The following RNF113A variants were observed in gnomAD, a reference collection of about 807,000 sequenced individuals.
The protein encoded by RNF113A is E3 ubiquitin-protein ligase RNF113A.
For missense variants in RNF113A, 180 were observed against 285.4 expected, an observed-to-expected ratio of 0.63 and a Z score of 2.66; for synonymous variants, 80 against 110.5, an observed-to-expected ratio of 0.72 and a Z score of 1.73.
Position 119,871,727 on chromosome X carries a change from G to A in RNF113A, c.-114C>T, listed in dbSNP as rs768589089. On this transcript the variant is annotated 5_prime_UTR_variant, in exon 1 of 1. Coordinates refer to ENST00000371442, the MANE Select transcript of RNF113A (RefSeq NM_006978.3). ...GTCGAAGCAAAAGACACTGACGGAA[G>A]AGGACTGCGAGAGCCCGAGCGCCCG... The A allele has an allele frequency of 4.9e-5, 45 of 917,704 alleles. No homozygotes were observed. Among genetic ancestry groups the A allele is most frequent in the Non-Finnish European group, 6.3e-5 (41 of 652,837 alleles). The allele number at this position is 917,704 out of a possible 1,213,427, so 75.6% of individuals were successfully genotyped here.
chrX:119,870,481 C>T lies in RNF113A; in HGVS notation c.*101G>A, dbSNP rs1448982777. On this transcript the variant is annotated 3_prime_UTR_variant, in exon 1 of 1. Transcript: ENST00000371442. The stretch of plus-strand genomic sequence containing the variant: ...CTTTTAATCCAGGACCCTACTTCAC[C>T]ACCCGCCTGCTCTGTCACTTTCTCT... 1 of 846,322 alleles carries T rather than the reference C, an allele frequency of 1.2e-6. No individual in the cohort carries two copies. The highest frequency in any genetic ancestry group is 2.0e-5 in the African/African-American group (1 of 48,857). The allele number at this position is 846,322 out of a possible 1,213,427, so 69.7% of individuals were successfully genotyped here.
rs1273699388 is a variant in RNF113A, at chrX:119,871,327, A to C, written c.287T>G (p.Leu96Arg). ...EEEEENEPES[L>R]GVVYKSTRSA... Reference sequence around the variant, plus strand: ...ACGGGTGGATTTATAAACCACGCCGAGACTCTCGGGCTCATTTTCCTCTTC... The same window carrying C: ...ACGGGTGGATTTATAAACCACGCCGCGACTCTCGGGCTCATTTTCCTCTTC... Residue 96 changes from leucine to arginine, a missense_variant, in exon 1 of 1, where the codon CTC (leucine) becomes CGC (arginine). By Grantham distance (102) the Leu-to-Arg change is moderately radical. Transcript: ENST00000371442. 1 of 1,211,044 alleles carries C rather than the reference A, an allele frequency of 8.3e-7. No homozygotes were observed.
At position 119,871,169 on chromosome X, in the gene RNF113A, C is replaced by T. The variant is rs370170271; in HGVS notation, c.445G>A (p.Asp149Asn). 12 of 1,210,622 alleles carry T rather than the reference C, an allele frequency of 9.9e-6. No individual in the cohort carries two copies. Among genetic ancestry groups the T allele is most frequent in the Non-Finnish European group, 1.3e-5 (12 of 895,496 alleles). The change falls in exon 1 of 1, where the codon GAT (aspartate) becomes AAT (asparagine). Residue 149 changes from aspartate (D) to asparagine (N), a missense_variant. Coordinates refer to ENST00000371442, the MANE Select transcript of RNF113A (RefSeq NM_006978.3). ...KIQEELRGKE[D>N]DKIYRGINNY... ...TTGATTCCCCGATAGATCTTGTCAT[C>T]CTCCTTGCCCCTCAGCTCCTCCTGG...
chrX:119,871,235 C>G lies in RNF113A; in HGVS notation c.379G>C (p.Glu127Gln). 8.3e-7 allele frequency: 1 copy of G among 1,211,671 alleles called. No homozygotes were observed. The highest frequency in any genetic ancestry group is 1.1e-6 in the Non-Finnish European group (1 of 895,633). ...TCAAAGATGGCTTGTGCATCGCGCT[C>G]TTTCTCTGTGTCCAGCTCATAGACA... ...TAVYELDTEKERDAQAIFERS... is the reference protein window; with the variant it reads ...TAVYELDTEKQRDAQAIFERS... Residue 127 changes from glutamate to glutamine, a missense_variant, in exon 1 of 1, where the codon GAG becomes CAG. Coordinates refer to ENST00000371442, the MANE Select transcript of RNF113A (RefSeq NM_006978.3).
In RNF113A at chrX:119,871,515, G is replaced by C. The variant is rs745858628; in HGVS notation, c.99C>G (p.Arg33=). 1 of 1,212,310 alleles carries C rather than the reference G, an allele frequency of 8.2e-7. No homozygotes were observed. The highest frequency in any genetic ancestry group is 1.1e-6 in the Non-Finnish European group (1 of 895,596). Residue 33 remains arginine (R), a synonymous_variant, in exon 1 of 1, where the codon CGC becomes CGG. Transcript: ENST00000371442. ...GRKGAAGRRK[R]PACDPEPGES... is the part of the protein sequence containing the mutation. ...CTCCGGGCTCTGGGTCGCAGGCCGG[G>C]CGCTTTCTGCGTCCAGCAGCCCCTT...
Position 119,870,522 on chromosome X carries a change from G to A in RNF113A, c.*60C>T, listed in dbSNP as rs1406226993. The stretch of plus-strand genomic sequence containing the variant: ...CACTTTCTCTACAAAGGAAGGACAC[G>A]AAGTAAGACTTCCAAAAGAACAAAA... On this transcript the variant is annotated 3_prime_UTR_variant, in exon 1 of 1. Coordinates refer to ENST00000371442, the MANE Select transcript of RNF113A (RefSeq NM_006978.3). 1.1e-5 allele frequency: 12 copies of A among 1,057,094 alleles called. No homozygotes were observed. Among genetic ancestry groups the A allele is most frequent in the Middle Eastern group, 2.6e-4 (1 of 3,839 alleles). 87.1% of individuals were successfully genotyped at this position (1,057,094 alleles called of 1,213,427 possible). A position where few individuals can be genotyped will look rare whatever the true frequency, so the allele number is the denominator to read the frequency against.
In RNF113A at chrX:119,871,210, T is replaced by C; in HGVS notation, c.404A>G (p.Glu135Gly). The change falls in exon 1 of 1, where the codon GAG (glutamate) becomes GGG (glycine). Residue 135 changes from glutamate (E) to glycine (G), a missense_variant. Transcript: ENST00000371442. ...CTCCTCCTGGATCTTCTGGCTGCGC[T>C]CAAAGATGGCTTGTGCATCGCGCTC... ...EKERDAQAIF[E>G]RSQKIQEELR... is the part of the protein sequence containing the mutation. The C allele has an allele frequency of 8.3e-7, 1 of 1,211,574 alleles. No individual in the cohort carries two copies. The highest frequency in any genetic ancestry group is 1.1e-6 in the Non-Finnish European group (1 of 895,611).
chrX:119,871,293 T>C lies in RNF113A; in HGVS notation c.321A>G (p.Lys107=). The change falls in exon 1 of 1, where the codon AAA becomes AAG. Residue 107 remains lysine, a synonymous_variant. Coordinates refer to ENST00000371442, the MANE Select transcript of RNF113A (RefSeq NM_006978.3). ...GVVYKSTRSA[K]PVGPEDMGAT... ...CTCCCATATCCTCTGGTCCCACGGG[T>C]TTCGCCGAACGGGTGGATTTATAAA... The C allele has an allele frequency of 8.3e-7, 1 of 1,211,136 alleles. No individual in the cohort carries two copies. The highest frequency in any genetic ancestry group is 1.1e-6 in the Non-Finnish European group (1 of 895,497).
At position 119,871,282 on chromosome X, in the gene RNF113A, G is replaced by A; in HGVS notation, c.332C>T (p.Pro111Leu). 8.3e-7 allele frequency: 1 copy of A among 1,211,130 alleles called. No individual in the cohort carries two copies. Among genetic ancestry groups the A allele is most frequent in the Non-Finnish European group, 1.1e-6 (1 of 895,508 alleles). ...GACAGCTGTCGCTCCCATATCCTCT[G>A]GTCCCACGGGTTTCGCCGAACGGGT... ...KSTRSAKPVG[P>L]EDMGATAVYE... Residue 111 changes from proline (P) to leucine (L), a missense_variant, in exon 1 of 1, where the codon CCA becomes CTA. Transcript: ENST00000371442.
In RNF113A at chrX:119,871,299, C is replaced by G. The variant is rs34063391; in HGVS notation, c.315G>C (p.Ser105=). ...SLGVVYKSTR[S]AKPVGPEDMG... ...TATCCTCTGGTCCCACGGGTTTCGC[C>G]GAACGGGTGGATTTATAAACCACGC... is the stretch of plus-strand genomic sequence containing the variant. The change falls in exon 1 of 1, where the codon TCG becomes TCC. Residue 105 remains serine, a synonymous_variant. Coordinates refer to ENST00000371442, the MANE Select transcript of RNF113A (RefSeq NM_006978.3). The G allele has an allele frequency of 2.9e-5, 35 of 1,209,377 alleles. No homozygotes were observed. In the African/African-American group the frequency reaches 6.1e-4, roughly 21 times the overall value.
chrX:119,871,570 C>T lies in RNF113A; in HGVS notation c.44G>A (p.Cys15Tyr). 2 of 1,201,265 alleles carry T rather than the reference C, an allele frequency of 1.7e-6. No individual in the cohort carries two copies. The highest frequency in any genetic ancestry group is 2.2e-6 in the Non-Finnish European group (2 of 890,456). The change falls in exon 1 of 1, where the codon TGC (cysteine) becomes TAC (tyrosine). Residue 15 changes from cysteine (C) to tyrosine (Y), a missense_variant. By Grantham distance (194) the Cys-to-Tyr change is radical. Coordinates refer to ENST00000371442, the MANE Select transcript of RNF113A (RefSeq NM_006978.3). ...LSPGKAVDQVCTFLFKKPGRK... is the reference protein window; with the variant it reads ...LSPGKAVDQVYTFLFKKPGRK... ...CCCAGGCTTTTTGAAAAGGAAGGTG[C>T]ACACCTGATCCACCGCCTTTCCTGG...
In RNF113A at chrX:119,870,863, C is replaced by T. The variant is rs1487595568; in HGVS notation, c.751G>A (p.Val251Met). The change falls in exon 1 of 1, where the codon GTG becomes ATG. Residue 251 changes from valine (V) to methionine (M), a missense_variant. Physicochemically the swap from Val to Met is conservative, Grantham distance 21. Transcript: ENST00000371442. ...YGVYEDENYE[V>M]GSDDEEIPFK... Reference sequence around the variant, plus strand: ...GGTATTTCCTCATCATCGCTTCCCACTTCATAGTTTTCATCCTCATAGACA... The same window carrying T: ...GGTATTTCCTCATCATCGCTTCCCATTTCATAGTTTTCATCCTCATAGACA... 2 of 1,211,634 alleles carry T rather than the reference C, an allele frequency of 1.7e-6. No homozygotes were observed. The highest frequency in any genetic ancestry group is 4.4e-5 in the Admixed American group (2 of 45,934).
chrX:119,870,536 A>C lies in RNF113A; in HGVS notation c.*46T>G. On this transcript the variant is annotated 3_prime_UTR_variant, in exon 1 of 1. Coordinates refer to ENST00000371442, the MANE Select transcript of RNF113A (RefSeq NM_006978.3). ...AGGAAGGACACGAAGTAAGACTTCC[A>C]AAAGAACAAAACGTTTATTTTTTAA... 9.0e-7 allele frequency: 1 copy of C among 1,114,120 alleles called. No homozygotes were observed. The highest frequency in any genetic ancestry group is 2.1e-5 in the South Asian group (1 of 46,998). 91.8% of individuals were successfully genotyped at this position (1,114,120 alleles called of 1,213,427 possible).
Position 119,870,476 on chromosome X carries a change from T to A in RNF113A, c.*106A>T. ...TGAAGCTTTTAATCCAGGACCCTAC[T>A]TCACCACCCGCCTGCTCTGTCACTT... On this transcript the variant is annotated 3_prime_UTR_variant, in exon 1 of 1. Coordinates refer to ENST00000371442, the MANE Select transcript of RNF113A (RefSeq NM_006978.3). 1.2e-6 allele frequency: 1 copy of A among 818,664 alleles called. No individual in the cohort carries two copies. Among genetic ancestry groups the A allele is most frequent in the Middle Eastern group, 3.4e-4 (1 of 2,980 alleles). 67.5% of individuals were successfully genotyped at this position (818,664 alleles called of 1,213,427 possible). A position where few individuals can be genotyped will look rare whatever the true frequency, so the allele number is the denominator to read the frequency against.
In RNF113A at chrX:119,871,651, G is replaced by T. The variant is rs759557740; in HGVS notation, c.-38C>A. 8.8e-7 allele frequency: 1 copy of T among 1,141,048 alleles called. No homozygotes were observed. The highest frequency in any genetic ancestry group is 2.7e-5 in the Admixed American group (1 of 37,485). The allele number at this position is 1,141,048 out of a possible 1,213,427, so 94.0% of individuals were successfully genotyped here. The stretch of plus-strand genomic sequence containing the variant: ...AGCTCCGAAACAGCCGTGGCTGCCT[G>T]GGTTGCACTTGGCCCCTGCACGTCA... On this transcript the variant is annotated 5_prime_UTR_variant, in exon 1 of 1. Transcript: ENST00000371442.
At position 119,871,434 on chromosome X, in the gene RNF113A, C is replaced by A; in HGVS notation, c.180G>T (p.Arg60=). The change falls in exon 1 of 1, where the codon CGG becomes CGT. Residue 60 remains arginine, a synonymous_variant. Coordinates refer to ENST00000371442, the MANE Select transcript of RNF113A (RefSeq NM_006978.3). ...TCTGTATCATTGGATTGTGGGTCAC[C>A]CGCTTCTTTTCCGGTCGAACCACAG... is the stretch of plus-strand genomic sequence containing the variant. ...GCTVVRPEKK[R]VTHNPMIQKT... 8.3e-7 allele frequency: 1 copy of A among 1,212,114 alleles called. No homozygotes were observed. Among genetic ancestry groups the A allele is most frequent in the Non-Finnish European group, 1.1e-6 (1 of 895,608 alleles).
rs781103087 is a variant in RNF113A at position 119,871,494 on chromosome X, G to C, written c.120C>G (p.Pro40=). ...CGTCGCTACTGCTGCCGCTTTCTCC[G>C]GGCTCTGGGTCGCAGGCCGGGCGCT... The part of the protein sequence containing the change: ...RRKRPACDPE[P]GESGSSSDEG... The change falls in exon 1 of 1, where the codon CCC becomes CCG. Residue 40 remains proline (P), a synonymous_variant. Coordinates refer to ENST00000371442, the MANE Select transcript of RNF113A (RefSeq NM_006978.3). 6 of 1,210,947 alleles carry C rather than the reference G, an allele frequency of 5.0e-6. No homozygotes were observed. The highest frequency in any genetic ancestry group is 3.0e-5 in the East Asian group (1 of 33,794).
In RNF113A at chrX:119,871,518, C is replaced by A; in HGVS notation, c.96G>T (p.Lys32Asn). 3 of 1,212,436 alleles carry A rather than the reference C, an allele frequency of 2.5e-6. No individual in the cohort carries two copies. Among genetic ancestry groups the A allele is most frequent in the Non-Finnish European group, 3.3e-6 (3 of 895,657 alleles). The stretch of plus-strand genomic sequence containing the variant: ...CGGGCTCTGGGTCGCAGGCCGGGCG[C>A]TTTCTGCGTCCAGCAGCCCCTTTCC... ...PGRKGAAGRR[K>N]RPACDPEPGE... The change falls in exon 1 of 1, where the codon AAG becomes AAT. Residue 32 changes from lysine (K) to asparagine (N), a missense_variant. By Grantham distance (94) the Lys-to-Asn change is moderately conservative. Coordinates refer to ENST00000371442, the MANE Select transcript of RNF113A (RefSeq NM_006978.3).
In RNF113A at chrX:119,870,483, C is replaced by A; in HGVS notation, c.*99G>T. 1.2e-6 allele frequency: 1 copy of A among 864,588 alleles called. No individual in the cohort carries two copies. Among genetic ancestry groups the A allele is most frequent in the East Asian group, 3.1e-5 (1 of 32,016 alleles). 71.3% of individuals were successfully genotyped at this position (864,588 alleles called of 1,213,427 possible). A position where few individuals can be genotyped will look rare whatever the true frequency, so the allele number is the denominator to read the frequency against. ...TTTAATCCAGGACCCTACTTCACCACCCGCCTGCTCTGTCACTTTCTCTAC... is the reference window on the plus strand; with the variant it reads ...TTTAATCCAGGACCCTACTTCACCAACCGCCTGCTCTGTCACTTTCTCTAC... On this transcript the variant is annotated 3_prime_UTR_variant, in exon 1 of 1. Coordinates refer to ENST00000371442, the MANE Select transcript of RNF113A (RefSeq NM_006978.3).
Sources: gnomAD v4.1 joint callset for allele counts on GRCh38, gnomAD v4.1.1 for gene constraint, MANE v1.5 for transcripts, NCBI Gene and HGNC (gene_info 2026-07-23, HGNC 2026-07-21) for gene names.